Variants in PIP5K1B observed in about 807,000 individuals in gnomAD.
The protein encoded by PIP5K1B is phosphatidylinositol 4-phosphate 5-kinase type-1 beta.
A neutral mutation model predicts 67.0 loss-of-function variants in PIP5K1B; 42 were observed. That is an observed-to-expected ratio of 0.63 (90% CI 0.49 to 0.81). PIP5K1B has a LOEUF of 0.81. PIP5K1B is among the 30% of genes least tolerant of loss of function. PIP5K1B has a pLI of 0.00. For synonymous variants in PIP5K1B, 214 were observed against 231.4 expected (o/e 0.92, Z 0.68); for missense variants, 459 against 646.3 (o/e 0.71, Z 3.14).
chr9:68,940,561 C>T, intron 13 of PIP5K1B, 85 bp from the exon 14 acceptor site: 2 of 1,278,614 alleles, frequency 1.6e-6, no homozygotes, highest in East Asian at 2.4e-5. Context: ...AAAATGAATG[C>T]TTTTGACTCA....
At chr9:68,716,588 G>T (rs557629279) in intron 1 of PIP5K1B, among the ~76,000 whole-genome samples, 2 of 152,218 alleles carry the variant, frequency 1.3e-5, no homozygotes, top group Admixed American at 1.3e-4. Context: ...AATAACATAG[G>T]CTGGCAAGGT....
chr9:68,722,652 C>A (rs565291328), intron 1 of PIP5K1B, among the ~76,000 whole-genome samples: 1 of 149,578 alleles, frequency 6.7e-6, no homozygotes, highest in South Asian at 2.1e-4. Context: ...TTATTTATTA[C>A]CATGTATGTA....
intron 14 of PIP5K1B, among the ~76,000 whole-genome samples, chr9:68,948,995 T>G (rs1462211315): frequency 6.6e-6 from 1 of 152,248 alleles, no homozygotes; most frequent in Non-Finnish European, 1.5e-5. Flanking sequence ...TGGGTACTTT[T>G]TGTGTGTTAC....
intron 2 of PIP5K1B, among the ~76,000 whole-genome samples, chr9:68,753,700 A>G (rs1276327093): frequency 6.6e-6 from 1 of 151,474 alleles, no homozygotes; most frequent in Non-Finnish European, 1.5e-5. Context: ...AATTTTTTAT[A>G]TTTTTAGTAG....
chr9:68,971,681 G>T (rs906710175), intron 14 of PIP5K1B, among the ~76,000 whole-genome samples: 1 of 152,146 alleles, frequency 6.6e-6, no homozygotes, highest in Non-Finnish European at 1.5e-5. Context: ...TTTAATGATC[G>T]CCATTCTAAC....
chr9:68,764,733 T>A (rs1261015899), intron 2 of PIP5K1B, among the ~76,000 whole-genome samples: 1 of 152,168 alleles, frequency 6.6e-6, no homozygotes, highest in East Asian at 1.9e-4. Flanking sequence ...GAATTTATGC[T>A]AGTTACAGGT....
intron 2 of PIP5K1B, among the ~76,000 whole-genome samples, chr9:68,811,037 A>C (rs569263000): frequency 3.9e-5 from 6 of 152,180 alleles, no homozygotes; most frequent in Non-Finnish European, 8.8e-5. Flanking sequence ...CAGGAAAATC[A>C]TCCCAAGTCA....
chr9:68,974,306 A>C (rs1564285168), intron 14 of PIP5K1B, among the ~76,000 whole-genome samples: 1 of 152,216 alleles, frequency 6.6e-6, no homozygotes, highest in African/African-American at 2.4e-5. Flanking sequence ...TAGGCTCTAG[A>C]ATCACCTGCT....
intron 2 of PIP5K1B, chr9:68,789,131 A>G: frequency 1.7e-6 from 1 of 580,352 alleles, no homozygotes; most frequent in Non-Finnish European, 3.4e-6. Flanking sequence ...AATAGGCCTC[A>G]TTGTTGGTGT....
chr9:68,863,518 A>G (rs1823209358), intron 4 of PIP5K1B, among the ~76,000 whole-genome samples: 1 of 152,212 alleles, frequency 6.6e-6, no homozygotes, highest in African/African-American at 2.4e-5. Context: ...GTAAATGGGA[A>G]ATATTGGTGT....
chr9:68,829,818 A>C (rs1357117361), intron 4 of PIP5K1B, among the ~76,000 whole-genome samples: 2 of 152,218 alleles, frequency 1.3e-5, no homozygotes, highest in Non-Finnish European at 2.9e-5. Context: ...ACTTGAGCAA[A>C]TACTGGGAAA....
chr9:68,996,421 T>A (rs189171319), intron 15 of PIP5K1B, among the ~76,000 whole-genome samples: 1 of 152,282 alleles, frequency 6.6e-6, no homozygotes, highest in African/African-American at 2.4e-5. Flanking sequence ...AATATTCAAA[T>A]CAAGGGAAGT....
chr9:68,876,922 T>C, intron 6 of PIP5K1B, 128 bp downstream of exon 6: 1 of 588,520 alleles, frequency 1.7e-6, no homozygotes, highest in South Asian at 2.3e-5. Context: ...AAGTTCCAAG[T>C]TTTATAATGA....
intron 14 of PIP5K1B, among the ~76,000 whole-genome samples, chr9:68,983,392 G>A (rs551004996): frequency 7.2e-5 from 11 of 152,262 alleles, no homozygotes; most frequent in Admixed American, 7.2e-4. Flanking sequence ...TATGATGGCA[G>A]AGCAAGGAGA....
chr9:68,764,074 C>CTTTTTTTTTTTTTTT (rs72304177), intron 2 of PIP5K1B, among the ~76,000 whole-genome samples: 2 of 73,548 alleles, frequency 2.7e-5, no homozygotes, highest in African/African-American at 1.1e-4. Context: ...ACTATAACTT[C>CTTTTTTTTTTTTTTT]TTTTTTTTTT....
intron 4 of PIP5K1B, among the ~76,000 whole-genome samples, chr9:68,847,122 G>T (rs1173190064): frequency 6.6e-6 from 1 of 152,084 alleles, no homozygotes; most frequent in Non-Finnish European, 1.5e-5. Context: ...TTAATTAACT[G>T]CAGAATAGTG....
intron 1 of PIP5K1B, among the ~76,000 whole-genome samples, chr9:68,737,553 C>T (rs143167897): frequency 6.6e-6 from 1 of 152,318 alleles, no homozygotes; most frequent in Non-Finnish European, 1.5e-5. Context: ...GCATTTACCT[C>T]TCTGGGGCAC....
chr9:68,736,833 C>A (rs1828762676), intron 1 of PIP5K1B, among the ~76,000 whole-genome samples: 1 of 152,198 alleles, frequency 6.6e-6, no homozygotes, highest in South Asian at 2.1e-4. Context: ...CTCGAAGATT[C>A]CTTTTACCAT....
chr9:68,720,703 A>G (rs1827842598), intron 1 of PIP5K1B, among the ~76,000 whole-genome samples: 1 of 151,776 alleles, frequency 6.6e-6, no homozygotes, highest in Non-Finnish European at 1.5e-5. Flanking sequence ...AGCAATTGTA[A>G]TACTGTCTCT....
Sources: gnomAD v4.1 joint callset for allele counts (sites outside exome capture counted in the v4.1 genomes callset) on GRCh38, gnomAD v4.1.1 for gene constraint, MANE v1.5 for transcripts, NCBI Gene and HGNC (gene_info 2026-07-23, HGNC 2026-07-21) for gene names.